Variants in MMP16 observed in about 807,000 individuals in gnomAD.
The protein encoded by MMP16 is matrix metallopeptidase 16.
A neutral mutation model predicts 67.8 loss-of-function variants in MMP16; 12 were observed. The observed-to-expected ratio is 0.18, with a 90% CI of 0.11 to 0.29. MMP16 has a LOEUF of 0.29. Among genes scored for constraint, MMP16 ranks in the 10% least tolerant of loss-of-function variants. The pLI, the probability that MMP16 is intolerant of heterozygous loss-of-function variation, is 1.00. For missense variants in MMP16, 475 were observed against 765.7 expected, an observed-to-expected ratio of 0.62 and a Z score of 4.48; for synonymous variants, 249 against 255.9, an observed-to-expected ratio of 0.97 and a Z score of 0.26.
At chr8:88,150,719 A>G (rs1217417965) in intron 4 of MMP16, among the ~76,000 whole-genome samples, 1 of 145,356 alleles carries the variant, frequency 6.9e-6, no homozygotes, top group Non-Finnish European at 1.5e-5. Flanking sequence ...GAAGCGCTAA[A>G]CATGGAAAGG....
At chr8:88,242,789 T>C (rs1810053090) in intron 1 of MMP16, among the ~76,000 whole-genome samples, 1 of 152,214 alleles carries the variant, frequency 6.6e-6, no homozygotes, top group Admixed American at 6.5e-5. Flanking sequence ...TTTAAAATAC[T>C]GTGACTGGAA....
intron 3 of MMP16, among the ~76,000 whole-genome samples, chr8:88,176,798 AC>A (rs1193926805): frequency 1.3e-5 from 2 of 152,172 alleles, no homozygotes; most frequent in East Asian, 3.8e-4. Flanking sequence ...TTGTGCTAAT[AC>A]CCAAAACTGC....
intron 4 of MMP16, among the ~76,000 whole-genome samples, chr8:88,144,912 G>A (rs1237986017): frequency 6.6e-6 from 1 of 152,026 alleles, no homozygotes; most frequent in African/African-American, 2.4e-5. Flanking sequence ...TCTTGGGTCA[G>A]ATGGAGTTAA....
intron 6 of MMP16, among the ~76,000 whole-genome samples, chr8:88,090,261 T>C (rs1808910803): frequency 6.6e-6 from 1 of 151,982 alleles, no homozygotes; most frequent in Non-Finnish European, 1.5e-5. Flanking sequence ...TCTTACTTTA[T>C]GCCACACATC....
chr8:88,100,053 A>C lies in MMP16; in HGVS notation c.1083+16454T>G, dbSNP rs369641060. 3.9e-5 allele frequency among the ~76,000 whole-genome samples: 6 copies of C among 151,960 alleles called. No individual in the cohort carries two copies. In the East Asian group the frequency reaches 9.8e-4, roughly 25 times the overall value. The stretch of plus-strand genomic sequence containing the variant: ...TTCTGTAGGTTGCCTGTTCACTCTG[A>C]TGGTAGTTTCTTCTGCTGTGCAGAA... On this transcript the variant is annotated intron_variant, in intron 6 of 9. Coordinates refer to ENST00000286614, the MANE Select transcript of MMP16 (RefSeq NM_005941.5).
chr8:88,185,735 C>T (rs948424258), intron 3 of MMP16, among the ~76,000 whole-genome samples: 1 of 152,110 alleles, frequency 6.6e-6, no homozygotes, highest in African/African-American at 2.4e-5. Flanking sequence ...TTAGGGCGAT[C>T]TCATCTGGTT....
intron 1 of MMP16, among the ~76,000 whole-genome samples, chr8:88,219,747 T>C (rs1055723571): frequency 4.6e-5 from 7 of 152,142 alleles, no homozygotes; most frequent in Admixed American, 1.3e-4. Flanking sequence ...AGTGTGGACA[T>C]TGTAGCTTCA....
At chr8:88,199,367 T>C (rs1809304977) in intron 1 of MMP16, among the ~76,000 whole-genome samples, 2 of 152,036 alleles carry the variant, frequency 1.3e-5, no homozygotes, top group South Asian at 4.1e-4. Flanking sequence ...AAGTTTTCTT[T>C]TACACTGTCA....
chr8:88,311,624 A>G (rs1811296076), intron 1 of MMP16, among the ~76,000 whole-genome samples: 1 of 152,182 alleles, frequency 6.6e-6, no homozygotes, highest in Non-Finnish European at 1.5e-5. Context: ...GAATTTCTAA[A>G]TAAGTATTTA....
chr8:88,076,233 T>G (rs1342641888), intron 6 of MMP16, among the ~76,000 whole-genome samples: 1 of 152,190 alleles, frequency 6.6e-6, no homozygotes, highest in Non-Finnish European at 1.5e-5. Flanking sequence ...TACTAGTCAC[T>G]GAGTTAGTAC....
chr8:88,242,580 C>A (rs1258126750), intron 1 of MMP16, among the ~76,000 whole-genome samples: 3 of 152,168 alleles, frequency 2.0e-5, no homozygotes, highest in African/African-American at 7.2e-5. Flanking sequence ...GACAGTGCCA[C>A]AGAAATGCAC....
intron 7 of MMP16, among the ~76,000 whole-genome samples, chr8:88,061,127 TACACACACACACAC>T (rs149547108): frequency 0.17 from 23,830 of 143,100 alleles, 2,451 homozygotes; most frequent in Non-Finnish European, 0.24. Context: ...CTGAATATTA[TACACACACACACAC>T]ACACACACAC....
intron 3 of MMP16, among the ~76,000 whole-genome samples, chr8:88,178,356 C>T (rs1808926417): frequency 6.6e-6 from 1 of 151,980 alleles, no homozygotes; most frequent in African/African-American, 2.4e-5. Flanking sequence ...GATAATATAA[C>T]CAGAAAGATG....
At chr8:88,194,957 T>A (rs1233577449) in intron 2 of MMP16, among the ~76,000 whole-genome samples, 1 of 152,118 alleles carries the variant, frequency 6.6e-6, no homozygotes, top group Non-Finnish European at 1.5e-5. Context: ...TAATGCCCTA[T>A]CACAGAAATG....
intron 4 of MMP16, among the ~76,000 whole-genome samples, chr8:88,159,947 G>GT (rs772609443): frequency 1.6e-4 from 24 of 145,754 alleles, no homozygotes; most frequent in Non-Finnish European, 2.6e-4. Flanking sequence ...TTGATTTGTT[G>GT]TTTTTTTTTC....
chr8:88,167,163 A>G (rs182365681), intron 4 of MMP16, among the ~76,000 whole-genome samples: 2 of 152,174 alleles, frequency 1.3e-5, no homozygotes, highest in East Asian at 3.9e-4. Flanking sequence ...AGTGAGCTGA[A>G]ATTGTGCCAT....
At chr8:88,236,634 A>G (rs1386574797) in intron 1 of MMP16, among the ~76,000 whole-genome samples, 3 of 151,988 alleles carry the variant, frequency 2.0e-5, no homozygotes, top group African/African-American at 7.3e-5. Context: ...CTATAGTCCA[A>G]GCTACTCTGG....
chr8:88,105,676 T>C (rs1809225267), intron 6 of MMP16, among the ~76,000 whole-genome samples: 1 of 151,400 alleles, frequency 6.6e-6, no homozygotes, highest in Admixed American at 6.6e-5. Context: ...TTTCAGATTC[T>C]CAAAATCATT....
At chr8:88,235,109 G>T (rs1809919620) in intron 1 of MMP16, among the ~76,000 whole-genome samples, 1 of 152,084 alleles carries the variant, frequency 6.6e-6, no homozygotes, top group Non-Finnish European at 1.5e-5. Flanking sequence ...ATTAATTTAT[G>T]CCCAACTGAC....
Sources: allele counts gnomAD v4.1 joint callset (sites outside exome capture counted in the v4.1 genomes callset), GRCh38; gene constraint gnomAD v4.1.1; transcripts MANE v1.5; gene names NCBI Gene and HGNC (gene_info 2026-07-23, HGNC 2026-07-21).